The following CTNND2 variants were observed in gnomAD, a reference collection of about 807,000 sequenced individuals.
CTNND2 encodes the protein catenin delta 2.
A neutral mutation model predicts 144.4 loss-of-function variants in CTNND2; 22 were observed. The observed-to-expected ratio is 0.15, with a 90% CI of 0.11 to 0.22. The LOEUF is 0.22. CTNND2 is among the 10% of genes least tolerant of loss of function. The pLI, the probability that CTNND2 is intolerant of heterozygous loss-of-function variation, is 1.00. For missense variants in CTNND2, 1,353 were observed against 1,618.8 expected (o/e 0.84, Z 2.82); for synonymous variants, 751 against 695.6 (o/e 1.08, Z -1.25).
At chr5:11,127,552 T>C (rs562748934) in intron 12 of CTNND2, among the ~76,000 whole-genome samples, 1 of 152,302 alleles carries the variant, frequency 6.6e-6, no homozygotes, top group South Asian at 2.1e-4. Flanking sequence ...AGGCTGACGT[T>C]CGATAAGCTC....
At chr5:11,479,900 G>A (rs1221033889) in intron 3 of CTNND2, among the ~76,000 whole-genome samples, 1 of 152,020 alleles carries the variant, frequency 6.6e-6, no homozygotes, top group African/African-American at 2.4e-5. Flanking sequence ...TATAGATGTT[G>A]AATATTGGAT....
intron 2 of CTNND2, among the ~76,000 whole-genome samples, chr5:11,728,127 T>C (rs1216879655): frequency 1.3e-5 from 2 of 152,202 alleles, no homozygotes; most frequent in Non-Finnish European, 2.9e-5. Context: ...TGGCTTCATA[T>C]GACACAACAT....
chr5:11,855,927 T>C (rs929570327), intron 1 of CTNND2, among the ~76,000 whole-genome samples: 1 of 152,254 alleles, frequency 6.6e-6, no homozygotes, highest in Non-Finnish European at 1.5e-5. Context: ...ATAATTGAAC[T>C]TGACTCTTCA....
At chr5:11,371,624 T>C (rs1329257210) in intron 7 of CTNND2, among the ~76,000 whole-genome samples, 1 of 152,208 alleles carries the variant, frequency 6.6e-6, no homozygotes, top group African/African-American at 2.4e-5. Context: ...CTATGTTAAT[T>C]CAAAACTTAA....
At chr5:11,706,776 C>A (rs116995600) in intron 2 of CTNND2, among the ~76,000 whole-genome samples, 1 of 152,004 alleles carries the variant, frequency 6.6e-6, no homozygotes, top group East Asian at 1.9e-4. Flanking sequence ...AACTTTCCTA[C>A]CAGGGAAGCT....
intron 6 of CTNND2, among the ~76,000 whole-genome samples, chr5:11,393,578 T>C (rs976346037): frequency 2.6e-5 from 4 of 152,196 alleles, no homozygotes; most frequent in South Asian, 2.1e-4. Context: ...AAACTTTATG[T>C]GAGTGGAAAA....
chr5:11,277,158 T>A (rs2149988916), intron 9 of CTNND2, among the ~76,000 whole-genome samples: 1 of 152,214 alleles, frequency 6.6e-6, no homozygotes, highest in East Asian at 1.9e-4. Context: ...TTTTCTTTCC[T>A]AGAGCAGTGA....
intron 11 of CTNND2, among the ~76,000 whole-genome samples, chr5:11,198,816 G>C (rs9312759): frequency 6.6e-6 from 1 of 152,030 alleles, no homozygotes; most frequent in East Asian, 1.9e-4. Context: ...TGGCTAACAC[G>C]GACTGTGTTT....
intron 9 of CTNND2, among the ~76,000 whole-genome samples, chr5:11,301,440 C>T (rs1749596972): frequency 6.6e-6 from 1 of 152,132 alleles, no homozygotes; most frequent in Non-Finnish European, 1.5e-5. Context: ...GTGATTCCAA[C>T]ACTATGTGGC....
intron 3 of CTNND2, among the ~76,000 whole-genome samples, chr5:11,458,909 C>T (rs980591985): frequency 4.0e-5 from 6 of 151,670 alleles, no homozygotes; most frequent in Non-Finnish European, 7.4e-5. Context: ...ACTGTAGGCA[C>T]GCACCACCAC....
At chr5:11,370,893 T>C (rs1319279030) in intron 7 of CTNND2, among the ~76,000 whole-genome samples, 1 of 152,190 alleles carries the variant, frequency 6.6e-6, no homozygotes, top group Non-Finnish European at 1.5e-5. Flanking sequence ...TAAAGTGCTG[T>C]TGTATGGAGA....
At chr5:11,842,288 T>G (rs953853218) in intron 1 of CTNND2, among the ~76,000 whole-genome samples, 5 of 152,160 alleles carry the variant, frequency 3.3e-5, no homozygotes. Flanking sequence ...CACTGACATC[T>G]CAAGCTCTGC....
chr5:11,722,680 G>T (rs1380474573), intron 2 of CTNND2, among the ~76,000 whole-genome samples: 2 of 152,146 alleles, frequency 1.3e-5, no homozygotes, highest in Admixed American at 1.3e-4. Flanking sequence ...GGGGCGGAAA[G>T]CCCCTTATAA....
At chr5:11,599,330 G>A (rs1409413993) in intron 2 of CTNND2, among the ~76,000 whole-genome samples, 1 of 152,136 alleles carries the variant, frequency 6.6e-6, no homozygotes, top group Non-Finnish European at 1.5e-5. Flanking sequence ...AGGGTTAAAG[G>A]AGGAAAGTTA....
intron 21 of CTNND2, among the ~76,000 whole-genome samples, chr5:10,976,016 A>G (rs1736423247): frequency 6.6e-6 from 1 of 152,196 alleles, no homozygotes; most frequent in African/African-American, 2.4e-5. Context: ...TCCCACACCA[A>G]TCACTTCTGA....
chr5:11,311,939 TCA>T (rs1433734787), intron 9 of CTNND2, among the ~76,000 whole-genome samples: 6 of 105,260 alleles, frequency 5.7e-5, no homozygotes, highest in African/African-American at 1.5e-4. Flanking sequence ...CCACACACAC[TCA>T]CACACACTCC....
chr5:11,745,943 T>C lies in CTNND2; in HGVS notation c.38-13671A>G, dbSNP rs570177382. 7.9e-5 allele frequency among the ~76,000 whole-genome samples: 12 copies of C among 152,354 alleles called. No homozygotes were observed. The East Asian group carries it at 2.3e-3, about 29-fold the overall frequency. On this transcript the variant is annotated intron_variant, in intron 1 of 21. Coordinates refer to ENST00000304623, the MANE Select transcript of CTNND2 (RefSeq NM_001332.4). ...ATGAAAAAGGAAGCTTTATAACATG[T>C]GATGCACTATATTTTATATTTTATT...
chr5:11,175,117 T>C (rs976834322), intron 11 of CTNND2, among the ~76,000 whole-genome samples: 1 of 151,554 alleles, frequency 6.6e-6, no homozygotes, highest in Non-Finnish European at 1.5e-5. Flanking sequence ...AAATTTTAGA[T>C]TGCTTCTATT....
At chr5:11,172,547 T>C (rs929384528) in intron 11 of CTNND2, among the ~76,000 whole-genome samples, 1 of 152,184 alleles carries the variant, frequency 6.6e-6, no homozygotes, top group Non-Finnish European at 1.5e-5. Flanking sequence ...TTGGTTCAGT[T>C]CCTCTGCAGA....
Sources: allele counts gnomAD v4.1 joint callset (sites outside exome capture counted in the v4.1 genomes callset), GRCh38; gene constraint gnomAD v4.1.1; transcripts MANE v1.5; gene names NCBI Gene and HGNC (gene_info 2026-07-23, HGNC 2026-07-21).